The following DNAI7 variants were observed in gnomAD, a reference collection of about 807,000 sequenced individuals.
The protein encoded by DNAI7 is cancer susceptibility 1.
In DNAI7, 78 loss-of-function variants were observed where a neutral mutation model predicts 86.6. The ratio of observed to expected loss-of-function variants is 0.90; its 90% confidence interval spans 0.75 to 1.09. The LOEUF (loss-of-function observed/expected upper bound fraction) is 1.09, where lower values mean the gene tolerates loss of function less well. DNAI7 is among the 50% of genes least tolerant of loss of function. The probability of loss-of-function intolerance (pLI) is 0.00; values close to 1 mark genes in which losing one functional copy is unlikely to be tolerated. For synonymous variants in DNAI7, 274 were observed against 273.0 expected (o/e 1.00, Z -0.04); for missense variants, 753 against 810.2 (o/e 0.93, Z 0.86).
intron 10 of DNAI7, among the ~76,000 whole-genome samples, 168 bp from the exon 11 acceptor site, chr12:25,122,081 G>A (rs1379287805): frequency 1.3e-5 from 2 of 152,220 alleles, no homozygotes; most frequent in Non-Finnish European, 2.9e-5. Context: ...GACCTTGGAA[G>A]TGGAAACAGG....
chr12:25,180,273 T>C lies in DNAI7; in HGVS notation c.21+10341A>G, dbSNP rs569193946. 8.5e-4 allele frequency among the ~76,000 whole-genome samples: 130 copies of C among 152,216 alleles called. 1 individual carries two copies. Among genetic ancestry groups the C allele is most frequent in the South Asian group, 4.6e-3 (22 of 4,826 alleles). Reference sequence around the variant, plus strand: ...TACAAAGAGAACTACAAAACACTGCTGAAAGAAATCACAGATGGCACAAAC... The same window carrying C: ...TACAAAGAGAACTACAAAACACTGCCGAAAGAAATCACAGATGGCACAAAC... On this transcript the variant is annotated intron_variant, in intron 2 of 15. Transcript: ENST00000395987.
chr12:25,182,160 C>G (rs1261748926), intron 2 of DNAI7, among the ~76,000 whole-genome samples: 1 of 151,190 alleles, frequency 6.6e-6, no homozygotes, highest in Non-Finnish European at 1.5e-5. Context: ...TCAGCCTGAC[C>G]AACACGGAGA....
At chr12:25,109,045 T>C (rs190267997) in intron 15 of DNAI7, among the ~76,000 whole-genome samples, 1 of 152,270 alleles carries the variant, frequency 6.6e-6, no homozygotes, top group African/African-American at 2.4e-5. Flanking sequence ...GCAACAAATA[T>C]TTATTGAGTG....
chr12:25,112,867 GC>G (rs1939233355), intron 13 of DNAI7, among the ~76,000 whole-genome samples: 2 of 152,084 alleles, frequency 1.3e-5, no homozygotes, highest in Non-Finnish European at 2.9e-5. Context: ...TAGAGCATGT[GC>G]TAATTTGGAC....
chr12:25,129,462 T>C (rs2140569146), intron 9 of DNAI7, among the ~76,000 whole-genome samples: 1 of 152,314 alleles, frequency 6.6e-6, no homozygotes, highest in East Asian at 1.9e-4. Context: ...GACCTGGAAA[T>C]GCACTGAAAA....
intron 10 of DNAI7, among the ~76,000 whole-genome samples, chr12:25,122,950 G>A (rs770795867): frequency 9.9e-5 from 15 of 152,242 alleles, no homozygotes; most frequent in Admixed American, 2.6e-4. Flanking sequence ...TATGTAACAC[G>A]TTGTTAGGTG....
intron 12 of DNAI7, 108 bp downstream of exon 12, chr12:25,119,037 T>A (rs948494817): frequency 1.2e-6 from 1 of 853,532 alleles, no homozygotes; most frequent in Admixed American, 3.2e-5. Context: ...TGAATTGGCA[T>A]AGAAATATGT....
chr12:25,138,565 T>G (rs1025262695), intron 9 of DNAI7, among the ~76,000 whole-genome samples: 3 of 152,092 alleles, frequency 2.0e-5, no homozygotes, highest in African/African-American at 7.2e-5. Flanking sequence ...CTCAAAACCA[T>G]GCAAATAAAT....
intron 2 of DNAI7, among the ~76,000 whole-genome samples, chr12:25,187,330 T>A (rs1950124809): frequency 6.6e-6 from 1 of 152,168 alleles, no homozygotes; most frequent in Non-Finnish European, 1.5e-5. Context: ...TTCATCCAGG[T>A]CTCTTCTTAA....
intron 2 of DNAI7, among the ~76,000 whole-genome samples, chr12:25,171,077 CA>C (rs1268262737): frequency 1.3e-5 from 2 of 151,960 alleles, no homozygotes; most frequent in African/African-American, 2.4e-5. Context: ...ACTAGAAAAA[CA>C]AGAGCAAACC....
In DNAI7 at chr12:25,121,735, A is replaced by G. The variant is rs367608081; in HGVS notation, c.1239+18T>C. 6.3e-7 allele frequency: 1 copy of G among 1,583,076 alleles called. No homozygotes were observed. Among genetic ancestry groups the G allele is most frequent in the African/African-American group, 1.4e-5 (1 of 73,336 alleles). On this transcript the variant is annotated intron_variant, in intron 11 of 15. Coordinates refer to ENST00000395987, the MANE Select transcript of DNAI7 (RefSeq NM_018272.5). ...GCAATTATTTTACTTATAAGTTTTG[A>G]TTCAAGAATCAACCTACTTCCACAA... is the stretch of plus-strand genomic sequence containing the variant.
At chr12:25,109,675 A>G (rs1415550512) in intron 15 of DNAI7, among the ~76,000 whole-genome samples, 1 of 152,178 alleles carries the variant, frequency 6.6e-6, no homozygotes, top group African/African-American at 2.4e-5. Context: ...TTTTTGACAA[A>G]AAATTTGAAT....
chr12:25,142,185 T>C (rs1366916039), intron 9 of DNAI7, among the ~76,000 whole-genome samples: 5 of 152,234 alleles, frequency 3.3e-5, no homozygotes, highest in African/African-American at 7.2e-5. Flanking sequence ...AATGAAATAA[T>C]GGCATTTGCA....
intron 11 of DNAI7, among the ~76,000 whole-genome samples, chr12:25,119,917 G>A (rs1940924347): frequency 6.6e-6 from 1 of 152,140 alleles, no homozygotes; most frequent in Non-Finnish European, 1.5e-5. Context: ...CAAGATTCTA[G>A]AAGAGGTGGA....
At chr12:25,121,645 C>A in intron 11 of DNAI7, 108 bp downstream of exon 11, 1 of 858,762 alleles carries the variant, frequency 1.2e-6, no homozygotes. Flanking sequence ...ACATTTTTTC[C>A]TTTGTGTTTA....
rs566172250 is a variant in DNAI7, at chr12:25,184,137, C to T, written c.21+6477G>A. Among the ~76,000 whole-genome samples the T allele has an allele frequency of 6.6e-5, 10 of 152,220 alleles. No individual in the cohort carries two copies. The South Asian group carries it at 8.3e-4, about 13-fold the overall frequency. ...TTTTATTGAGATATAATTCACATACCATGTAATTCACCCATATAAAGTGCA... is the reference window on the plus strand; with the variant it reads ...TTTTATTGAGATATAATTCACATACTATGTAATTCACCCATATAAAGTGCA... On this transcript the variant is annotated intron_variant, in intron 2 of 15. Coordinates refer to ENST00000395987, the MANE Select transcript of DNAI7 (RefSeq NM_018272.5).
chr12:25,142,277 A>G (rs1319613890), intron 9 of DNAI7, among the ~76,000 whole-genome samples: 1 of 152,108 alleles, frequency 6.6e-6, no homozygotes, highest in Non-Finnish European at 1.5e-5. Context: ...ATTCTCACTT[A>G]TAAGTGGGAG....
In DNAI7 at chr12:25,110,374, T is replaced by C. The variant is rs971302928; in HGVS notation, c.1780-134A>G. 9 of 618,484 alleles carry C rather than the reference T, an allele frequency of 1.5e-5. No individual in the cohort carries two copies. The African/African-American group carries it at 1.7e-4, about 11-fold the overall frequency. The allele number at this position is 618,484 out of a possible 1,614,324, so 38.3% of individuals were successfully genotyped here. A position where few individuals can be genotyped will look rare whatever the true frequency, so the allele number is the denominator to read the frequency against. Reference sequence around the variant, plus strand: ...TGTAAGTCAGAGTACATGACTCCTCTCTCAACACTGGGCAATGGCTTTCCT... The same window carrying C: ...TGTAAGTCAGAGTACATGACTCCTCCCTCAACACTGGGCAATGGCTTTCCT... On this transcript the variant is annotated intron_variant, in intron 14 of 15. Transcript: ENST00000395987.
chr12:25,111,764 AT>A lies in DNAI7; in HGVS notation c.1779+7del, dbSNP rs770587258. ...CGCCACATTAAATTTGGAAAGATTC[AT>A]TCTTGCCTTATTGTTTATAATAACA... On this transcript the variant is annotated splice_region_variant and intron_variant, in intron 14 of 15. Coordinates refer to ENST00000395987, the MANE Select transcript of DNAI7 (RefSeq NM_018272.5). The A allele has an allele frequency of 9.1e-6, 14 of 1,546,772 alleles. No individual in the cohort carries two copies. The highest frequency in any genetic ancestry group is 1.8e-4 in the Middle Eastern group (1 of 5,608).
Sources: allele counts gnomAD v4.1 joint callset (sites outside exome capture counted in the v4.1 genomes callset), GRCh38; gene constraint gnomAD v4.1.1; transcripts MANE v1.5; gene names NCBI Gene and HGNC (gene_info 2026-07-23, HGNC 2026-07-21).